The following HCN1 variants were observed in gnomAD, a reference collection of about 807,000 sequenced individuals.
HCN1 encodes the protein hyperpolarization activated cyclic nucleotide gated potassium channel 1.
HCN1 carries 13 observed loss-of-function variants against 78.9 expected under a neutral mutation model. The observed-to-expected ratio is 0.16, with a 90% CI of 0.11 to 0.26. The LOEUF (loss-of-function observed/expected upper bound fraction) is 0.26, where lower values mean the gene tolerates loss of function less well. Among genes scored for constraint, HCN1 ranks in the 10% least tolerant of loss-of-function variants. HCN1 has a pLI of 1.00. For synonymous variants in HCN1, 552 were observed against 455.5 expected (o/e 1.21, Z -2.70); for missense variants, 810 against 1,154.3 (o/e 0.70, Z 4.32).
chr5:45,290,185 C>T (rs1186460386), intron 6 of HCN1, among the ~76,000 whole-genome samples: 1 of 151,998 alleles, frequency 6.6e-6, no homozygotes, highest in Non-Finnish European at 1.5e-5. Flanking sequence ...TTCTCCTTTG[C>T]CTTCTACCAT....
At chr5:45,599,721 G>A (rs1744585186) in intron 2 of HCN1, among the ~76,000 whole-genome samples, 1 of 152,046 alleles carries the variant, frequency 6.6e-6, no homozygotes, top group African/African-American at 2.4e-5. Context: ...AAAAAGTTGT[G>A]TGATATTTAG....
chr5:45,555,889 C>G (rs1345995071), intron 2 of HCN1, among the ~76,000 whole-genome samples: 1 of 151,836 alleles, frequency 6.6e-6, no homozygotes, highest in Non-Finnish European at 1.5e-5. Context: ...AATAAAGAAC[C>G]CCAAAATAAA....
intron 1 of HCN1, among the ~76,000 whole-genome samples, chr5:45,679,270 A>G (rs1739657030): frequency 6.6e-6 from 1 of 152,030 alleles, no homozygotes; most frequent in Non-Finnish European, 1.5e-5. Flanking sequence ...AGTACCTGTC[A>G]TAGGGTTGCT....
chr5:45,511,312 G>A (rs1034924377), intron 2 of HCN1, among the ~76,000 whole-genome samples: 5 of 151,928 alleles, frequency 3.3e-5, no homozygotes, highest in African/African-American at 9.7e-5. Flanking sequence ...AATAAGTTAC[G>A]TAGGTACACT....
chr5:45,615,286 T>A (rs1008472232), intron 2 of HCN1, among the ~76,000 whole-genome samples: 2 of 152,036 alleles, frequency 1.3e-5, no homozygotes, highest in African/African-American at 4.8e-5. Context: ...CTTTTGGGAA[T>A]AGAGAGTGAG....
At chr5:45,395,467 A>G (rs1739667981) in intron 4 of HCN1, among the ~76,000 whole-genome samples, 2 of 152,276 alleles carry the variant, frequency 1.3e-5, no homozygotes, top group Admixed American at 6.5e-5. Flanking sequence ...GCTCACTGTA[A>G]TAGCTAGTGG....
chr5:45,263,144 C>T (rs980933196), intron 7 of HCN1, among the ~76,000 whole-genome samples: 3 of 152,166 alleles, frequency 2.0e-5, no homozygotes, highest in African/African-American at 7.2e-5. Context: ...TTGGAATCAA[C>T]ATTTGATTTT....
chr5:45,513,629 G>A (rs1742461106), intron 2 of HCN1, among the ~76,000 whole-genome samples: 1 of 152,196 alleles, frequency 6.6e-6, no homozygotes, highest in South Asian at 2.1e-4. Context: ...TCTCACAGGA[G>A]CGTTAAACCT....
intron 2 of HCN1, among the ~76,000 whole-genome samples, chr5:45,497,378 G>C (rs1043172906): frequency 6.6e-6 from 1 of 152,172 alleles, no homozygotes; most frequent in African/African-American, 2.4e-5. Flanking sequence ...TTATGAATCT[G>C]GGTGCTCCTG....
At chr5:45,328,961 T>C (rs995159517) in intron 5 of HCN1, among the ~76,000 whole-genome samples, 11 of 151,640 alleles carry the variant, frequency 7.3e-5, no homozygotes, top group Admixed American at 2.6e-4. Context: ...TATTTAGTGT[T>C]GTGGAGGAAG....
At chr5:45,356,469 C>T (rs1279941702) in intron 4 of HCN1, among the ~76,000 whole-genome samples, 1 of 151,852 alleles carries the variant, frequency 6.6e-6, no homozygotes, top group Admixed American at 6.6e-5. Flanking sequence ...GTTTCAAACC[C>T]ACCAGTCTCA....
At chr5:45,316,209 T>C (rs1457564028) in intron 5 of HCN1, among the ~76,000 whole-genome samples, 1 of 152,174 alleles carries the variant, frequency 6.6e-6, no homozygotes, top group Non-Finnish European at 1.5e-5. Context: ...TAAAAGGTTA[T>C]CCACCATGAT....
intron 3 of HCN1, among the ~76,000 whole-genome samples, chr5:45,450,838 C>A (rs1416432664): frequency 6.6e-6 from 1 of 152,090 alleles, no homozygotes; most frequent in African/African-American, 2.4e-5. Context: ...TAAGTTTTAT[C>A]TCCTTTGCAA....
chr5:45,283,435 A>C (rs534241637), intron 6 of HCN1, among the ~76,000 whole-genome samples: 6 of 152,204 alleles, frequency 3.9e-5, no homozygotes, highest in East Asian at 1.9e-4. Context: ...GAACTTAAAC[A>C]AATTTACAAG....
chr5:45,657,491 T>C (rs1185534468), intron 1 of HCN1, among the ~76,000 whole-genome samples: 3 of 152,212 alleles, frequency 2.0e-5, no homozygotes, highest in Non-Finnish European at 4.4e-5. Context: ...GCTTTTTTTA[T>C]GTAGGCCAGT....
chr5:45,425,853 C>T (rs981849035), intron 3 of HCN1, among the ~76,000 whole-genome samples: 11 of 152,052 alleles, frequency 7.2e-5, no homozygotes, highest in African/African-American at 2.7e-4. Flanking sequence ...TAAGGGATTT[C>T]GTTTGTAACC....
At chr5:45,343,967 T>C (rs1746643185) in intron 5 of HCN1, among the ~76,000 whole-genome samples, 2 of 152,042 alleles carry the variant, frequency 1.3e-5, no homozygotes, top group Admixed American at 6.6e-5. Flanking sequence ...AACAGGTGTA[T>C]TAGTATATTA....
chr5:45,320,380 A>C (rs1184301687), intron 5 of HCN1, among the ~76,000 whole-genome samples: 3 of 151,768 alleles, frequency 2.0e-5, no homozygotes, highest in Non-Finnish European at 4.4e-5. Context: ...AGTTTTTTTG[A>C]GGTAAAGATA....
At chr5:45,657,909 CCAAA>C (rs1745807318) in intron 1 of HCN1, among the ~76,000 whole-genome samples, 1 of 152,074 alleles carries the variant, frequency 6.6e-6, no homozygotes, top group East Asian at 1.9e-4. Context: ...TCATATGGAA[CCAAA>C]AAAGAGCCTG....
Sources: allele counts gnomAD v4.1 joint callset (sites outside exome capture counted in the v4.1 genomes callset), GRCh38; gene constraint gnomAD v4.1.1; transcripts MANE v1.5; gene names NCBI Gene and HGNC (gene_info 2026-07-23, HGNC 2026-07-21).